COP1: variants seen among roughly 807,000 people sequenced by gnomAD.
The protein encoded by COP1 is COP1 E3 ubiquitin ligase.
COP1 carries 24 observed loss-of-function variants against 101.3 expected under a neutral mutation model. That is an observed-to-expected ratio of 0.24 (90% CI 0.17 to 0.33). COP1 has a LOEUF of 0.33. Among genes scored for constraint, COP1 ranks in the 10% least tolerant of loss-of-function variants. The probability of loss-of-function intolerance (pLI) is 1.00; values close to 1 mark genes in which losing one functional copy is unlikely to be tolerated. For missense variants in COP1, 663 were observed against 906.2 expected, an observed-to-expected ratio of 0.73 and a Z score of 3.45; for synonymous variants, 347 against 341.9, an observed-to-expected ratio of 1.01 and a Z score of -0.17.
chr1:175,985,456 T>G (rs564378877), intron 18 of COP1, among the ~76,000 whole-genome samples: 12 of 152,358 alleles, frequency 7.9e-5, no homozygotes, highest in Non-Finnish European at 8.8e-5. Flanking sequence ...GAGATTGATA[T>G]GAAGTTCAGA....
intron 6 of COP1, among the ~76,000 whole-genome samples, chr1:176,139,457 T>C (rs1558187374): frequency 6.6e-6 from 1 of 152,132 alleles, no homozygotes; most frequent in Non-Finnish European, 1.5e-5. Flanking sequence ...GTAATTCCAT[T>C]ATTGAGTATA....
chr1:175,945,526 A>C (rs190590610), intron 19 of COP1, among the ~76,000 whole-genome samples: 1 of 152,216 alleles, frequency 6.6e-6, no homozygotes, highest in African/African-American at 2.4e-5. Context: ...CTTGTTTAGG[A>C]TTTTAATCTG....
rs563133683 is a variant in COP1 at position 176,048,213 on chromosome 1, T to C, written c.1278-1889A>G. Among the ~76,000 whole-genome samples, 282 of 147,438 alleles carry C rather than the reference T, an allele frequency of 1.9e-3. 10 individuals carry two copies. In the South Asian group the frequency reaches 0.058, roughly 30 times the overall value. On this transcript the variant is annotated intron_variant, in intron 11 of 19. Transcript: ENST00000367669. Reference sequence around the variant, plus strand: ...TAAAATTCTTTTTTTTTTTTTTTTTTACAGAGATGGGGTCTCACTATGTCG... The same window carrying C: ...TAAAATTCTTTTTTTTTTTTTTTTTCACAGAGATGGGGTCTCACTATGTCG...
chr1:176,103,679 G>C (rs1339050352), intron 9 of COP1, among the ~76,000 whole-genome samples: 1 of 152,068 alleles, frequency 6.6e-6, no homozygotes, highest in African/African-American at 2.4e-5. Flanking sequence ...TGCTAAATCT[G>C]TATTTCTTAT....
chr1:176,102,687 A>G (rs564489732), intron 9 of COP1, among the ~76,000 whole-genome samples: 1 of 152,346 alleles, frequency 6.6e-6, no homozygotes, highest in South Asian at 2.1e-4. Flanking sequence ...AATTAGCCAC[A>G]AGATTAGAAA....
intron 18 of COP1, among the ~76,000 whole-genome samples, chr1:175,954,020 C>T (rs1294188041): frequency 6.6e-6 from 1 of 152,128 alleles, no homozygotes; most frequent in Non-Finnish European, 1.5e-5. Flanking sequence ...TGCATGCGTA[C>T]TAGTCCCCAA....
chr1:176,023,332 C>T (rs1290079692), intron 15 of COP1, among the ~76,000 whole-genome samples: 1 of 152,184 alleles, frequency 6.6e-6, no homozygotes, highest in African/African-American at 2.4e-5. Flanking sequence ...AAACTAGGTA[C>T]ATTACTATTG....
chr1:176,073,394 A>C (rs963728764), intron 11 of COP1, among the ~76,000 whole-genome samples: 1 of 152,200 alleles, frequency 6.6e-6, no homozygotes, highest in Non-Finnish European at 1.5e-5. Context: ...TAGAGGTAGA[A>C]TGTTTAACAA....
chr1:176,159,903 T>C (rs896759444), intron 5 of COP1, among the ~76,000 whole-genome samples: 2 of 152,186 alleles, frequency 1.3e-5, no homozygotes, highest in African/African-American at 2.4e-5. Flanking sequence ...ATCTAAGACA[T>C]ACGCCAAAAT....
chr1:176,052,721 C>A lies in COP1; in HGVS notation c.1278-6397G>T, dbSNP rs1672777218. On this transcript the variant is annotated intron_variant, in intron 11 of 19. Transcript: ENST00000367669. ...ACCCAATTGCCCTCTCTGTAGGCAA[C>A]CAATAATTTCAACTTGTGCATCTTA... Among the ~76,000 whole-genome samples, 2 of 152,248 alleles carry A rather than the reference C, an allele frequency of 1.3e-5. 1 individual carries two copies. The highest frequency in any genetic ancestry group is 4.1e-4 in the South Asian group (2 of 4,820).
intron 1 of COP1, among the ~76,000 whole-genome samples, chr1:176,197,758 T>C (rs1300378520): frequency 1.3e-5 from 2 of 152,208 alleles, no homozygotes; most frequent in African/African-American, 4.8e-5. Flanking sequence ...AACATGACTG[T>C]TTTCTTACAA....
rs1553286862 is a variant in COP1, at chr1:176,143,146, A to AGAGCGAG, written c.831+5859_831+5860insCTCGCTC. ...AGCGAGAGAGAGAGAGAGCGAGAGA[A>AGAGCGAG]AGAGAGAGAGAGAGAGAGGAACAAG... On this transcript the variant is annotated intron_variant, in intron 6 of 19. Transcript: ENST00000367669. 8.3e-3 allele frequency among the ~76,000 whole-genome samples: 554 copies of AGAGCGAG among 66,596 alleles called. 5 individuals carry two copies. Among genetic ancestry groups the AGAGCGAG allele is most frequent in the African/African-American group, 0.024 (500 of 21,114 alleles). The allele number at this position is 66,596 out of a possible 152,430, so 43.7% of individuals were successfully genotyped here.
chr1:176,126,623 T>C (rs886632863), intron 8 of COP1, among the ~76,000 whole-genome samples: 10 of 152,012 alleles, frequency 6.6e-5, no homozygotes, highest in South Asian at 4.1e-4. Flanking sequence ...TGCCCAGCCT[T>C]CTGTATTTTT....
At chr1:176,186,163 T>C (rs1698415956) in intron 1 of COP1, among the ~76,000 whole-genome samples, 1 of 152,038 alleles carries the variant, frequency 6.6e-6, no homozygotes, top group African/African-American at 2.4e-5. Flanking sequence ...TCACTGAATA[T>C]GTCAGGAGCT....
intron 14 of COP1, among the ~76,000 whole-genome samples, chr1:176,040,474 G>A (rs1571862163): frequency 6.6e-6 from 1 of 152,002 alleles, no homozygotes; most frequent in Non-Finnish European, 1.5e-5. Flanking sequence ...GCACCACCAC[G>A]CCCAGGTAAT....
intron 3 of COP1, 54 bp downstream of exon 3, chr1:176,175,856 C>T: frequency 9.6e-7 from 1 of 1,039,244 alleles, no homozygotes; most frequent in Non-Finnish European, 1.5e-6. Context: ...AGCGCTAGCA[C>T]ACAATTTTGG....
chr1:175,978,864 C>A (rs1225397921), intron 18 of COP1, among the ~76,000 whole-genome samples: 2 of 152,078 alleles, frequency 1.3e-5, no homozygotes, highest in Non-Finnish European at 2.9e-5. Context: ...TAAGAAACAC[C>A]TTTATAAGTG....
intron 2 of COP1, among the ~76,000 whole-genome samples, chr1:176,182,217 T>C (rs1333160619): frequency 3.9e-5 from 6 of 152,186 alleles, no homozygotes; most frequent in African/African-American, 9.7e-5. Context: ...TTCAACACTT[T>C]TAAATCCATA....
intron 19 of COP1, among the ~76,000 whole-genome samples, chr1:175,946,870 T>C (rs1169583343): frequency 2.6e-5 from 4 of 152,224 alleles, no homozygotes; most frequent in African/African-American, 4.8e-5. Context: ...CTCTATCTAC[T>C]GAAAGCCCTG....
Sources: allele counts gnomAD v4.1 joint callset (sites outside exome capture counted in the v4.1 genomes callset), GRCh38; gene constraint gnomAD v4.1.1; transcripts MANE v1.5; gene names NCBI Gene and HGNC (gene_info 2026-07-23, HGNC 2026-07-21).